The following WDFY3 variants were observed in gnomAD, a reference collection of about 807,000 sequenced individuals.
The protein encoded by WDFY3 is WD repeat and FYVE domain-containing protein 3.
A neutral mutation model predicts 409.6 loss-of-function variants in WDFY3; 66 were observed. The observed-to-expected ratio is 0.16, with a 90% CI of 0.13 to 0.20. WDFY3 has a LOEUF of 0.20. Among genes scored for constraint, WDFY3 ranks in the 10% least tolerant of loss-of-function variants. WDFY3 has a pLI of 1.00. For synonymous variants in WDFY3, 1,521 were observed against 1,537.1 expected, an observed-to-expected ratio of 0.99 and a Z score of 0.25; for missense variants, 3,031 against 4,298.1, an observed-to-expected ratio of 0.71 and a Z score of 8.24.
At chr4:84,858,543 G>A (rs1760087990) in intron 4 of WDFY3, among the ~76,000 whole-genome samples, 1 of 151,622 alleles carries the variant, frequency 6.6e-6, no homozygotes, top group Admixed American at 6.6e-5. Context: ...CAGAAAAGGG[G>A]GAACATATAA....
chr4:84,916,280 C>G (rs183142588), intron 2 of WDFY3, among the ~76,000 whole-genome samples: 1 of 152,278 alleles, frequency 6.6e-6, no homozygotes, highest in African/African-American at 2.4e-5. Context: ...CAGTTCTATG[C>G]AGCAACATCC....
At chr4:84,691,582 A>T in intron 60 of WDFY3, 49 bp downstream of exon 60, 1 of 1,593,594 alleles carries the variant, frequency 6.3e-7, no homozygotes, top group Non-Finnish European at 8.6e-7. Flanking sequence ...TAGGATAGCC[A>T]GACCACAAAA....
intron 9 of WDFY3, 113 bp from the exon 10 acceptor site, chr4:84,827,094 G>C: frequency 9.0e-7 from 1 of 1,116,360 alleles, no homozygotes; most frequent in East Asian, 2.9e-5. Context: ...AAGTACTCTG[G>C]GAAGTACTGA....
intron 2 of WDFY3, among the ~76,000 whole-genome samples, chr4:84,928,466 T>C (rs994597692): frequency 6.6e-6 from 1 of 152,148 alleles, no homozygotes; most frequent in Admixed American, 6.5e-5. Context: ...ACTATCTAAA[T>C]ATATATTCAA....
At chr4:84,755,787 A>T (rs1195836166) in intron 33 of WDFY3, among the ~76,000 whole-genome samples, 1 of 141,878 alleles carries the variant, frequency 7.0e-6, no homozygotes, top group Non-Finnish European at 1.6e-5. Flanking sequence ...TCTCAGCAGT[A>T]TTTTAATTTT....
intron 40 of WDFY3, 66 bp downstream of exon 40, chr4:84,738,944 G>A: frequency 6.4e-7 from 1 of 1,551,968 alleles, no homozygotes; most frequent in South Asian, 1.1e-5. Context: ...CAATTTGTTG[G>A]TTATGTCTTA....
chr4:84,821,151 G>A lies in WDFY3; in HGVS notation c.1524C>T (p.Val508=), dbSNP rs989055716. ...DVFREVGLLE[V]MVNLLHKYAA... Reference sequence around the variant, plus strand: ...CATATTTATGCAAAAGGTTTACCATGACCTCCAAAAGGCCAACCTCCCTGA... The same window carrying A: ...CATATTTATGCAAAAGGTTTACCATAACCTCCAAAAGGCCAACCTCCCTGA... Residue 508 remains valine (V), a synonymous_variant, in exon 11 of 68, where the codon GTC becomes GTT. Transcript: ENST00000295888. 20 of 1,613,554 alleles carry A rather than the reference G, an allele frequency of 1.2e-5. No individual in the cohort carries two copies. The East Asian group carries it at 3.8e-4, about 31-fold the overall frequency.
intron 62 of WDFY3, among the ~76,000 whole-genome samples, 197 bp from the exon 63 acceptor site, chr4:84,684,322 T>C (rs1578123552): frequency 6.6e-6 from 1 of 152,108 alleles, no homozygotes; most frequent in East Asian, 1.9e-4. Context: ...TCTTTAAGAA[T>C]TCACAGTTGA....
intron 25 of WDFY3, 32 bp from the exon 26 acceptor site, chr4:84,780,330 T>A (rs760847278): frequency 1.3e-6 from 2 of 1,577,418 alleles, no homozygotes; most frequent in Non-Finnish European, 1.7e-6. Flanking sequence ...ATAATTAAGA[T>A]AAATTCCCCA....
At chr4:84,690,898 T>C (rs2148851381) in intron 60 of WDFY3, among the ~76,000 whole-genome samples, 1 of 152,242 alleles carries the variant, frequency 6.6e-6, no homozygotes, top group Admixed American at 6.5e-5. Flanking sequence ...ACTTTGCTCA[T>C]AATGGGGGTC....
chr4:84,778,756 C>A, intron 26 of WDFY3, 101 bp from the exon 27 acceptor site: 1 of 1,083,186 alleles, frequency 9.2e-7, no homozygotes, highest in Non-Finnish European at 1.3e-6. Flanking sequence ...CACATACACA[C>A]ACAAACACAC....
At chr4:84,727,808 G>A (rs1278075687) in intron 44 of WDFY3, among the ~76,000 whole-genome samples, 1 of 152,022 alleles carries the variant, frequency 6.6e-6, no homozygotes, top group Non-Finnish European at 1.5e-5. Context: ...GGCCCACTAG[G>A]CATACTTACA....
chr4:84,911,597 T>C (rs2150746777), intron 2 of WDFY3, among the ~76,000 whole-genome samples: 1 of 152,268 alleles, frequency 6.6e-6, no homozygotes, highest in East Asian at 1.9e-4. Context: ...TTGGGTCCAG[T>C]TATATGTGAA....
At chr4:84,911,070 C>T (rs1767712073) in intron 2 of WDFY3, among the ~76,000 whole-genome samples, 1 of 151,960 alleles carries the variant, frequency 6.6e-6, no homozygotes, top group South Asian at 2.1e-4. Flanking sequence ...AATAGATAAA[C>T]TGGACTTCAT....
chr4:84,847,141 T>C (rs1351622056), intron 5 of WDFY3, among the ~76,000 whole-genome samples: 1 of 152,026 alleles, frequency 6.6e-6, no homozygotes, highest in Non-Finnish European at 1.5e-5. Flanking sequence ...CTCCAAACCT[T>C]TCCCCTACTT....
rs11943646 is a variant in WDFY3 at position 84,818,320 on chromosome 4, G to A, written c.1694-735C>T. ...CCAGTATTAAAAAAATGGGCCCAGT[G>A]ACTGAAATCACTAATTAGTATTTCC... On this transcript the variant is annotated intron_variant, in intron 12 of 67. Transcript: ENST00000295888. Among the ~76,000 whole-genome samples the A allele has an allele frequency of 2.8e-3, 422 of 152,146 alleles. 4 individuals are homozygous for A. The highest frequency in any genetic ancestry group is 9.5e-3 in the African/African-American group (396 of 41,526).
intron 1 of WDFY3, among the ~76,000 whole-genome samples, chr4:84,957,730 T>C (rs541112236): frequency 1.3e-5 from 2 of 152,344 alleles, no homozygotes; most frequent in Admixed American, 1.3e-4. Context: ...AATCAACTAG[T>C]ACTTCCTTGT....
intron 64 of WDFY3, 28 bp from the exon 65 acceptor site, chr4:84,679,270 C>T: frequency 3.4e-6 from 5 of 1,455,638 alleles, no homozygotes; most frequent in Non-Finnish European, 4.5e-6. Context: ...AGAATTGGAA[C>T]ATACGGAACC....
chr4:84,850,928 GTTTTTTTTTTTTTTTTTTTTTTTTTTTT>G (rs869074191), intron 4 of WDFY3, among the ~76,000 whole-genome samples: 2 of 46,220 alleles, frequency 4.3e-5, no homozygotes, highest in African/African-American at 9.3e-5. Context: ...TTATTTATCT[GTTTTTTTTTTTTTTTTTTTTTTTTTTTT>G]TTTTTTTTTT....
Sources: allele counts gnomAD v4.1 joint callset (sites outside exome capture counted in the v4.1 genomes callset), GRCh38; gene constraint gnomAD v4.1.1; transcripts MANE v1.5; gene names NCBI Gene and HGNC (gene_info 2026-07-23, HGNC 2026-07-21).